Variants in FOXN3 observed in about 807,000 individuals in gnomAD.
The protein encoded by FOXN3 is forkhead box N3, also known as forkhead box protein N3.
In FOXN3, 7 loss-of-function variants were observed where a neutral mutation model predicts 38.4. The ratio of observed to expected loss-of-function variants is 0.18; its 90% confidence interval spans 0.10 to 0.34. FOXN3 has a LOEUF of 0.34. FOXN3 is among the 10% of genes least tolerant of loss of function. The pLI, the probability that FOXN3 is intolerant of heterozygous loss-of-function variation, is 1.00. For missense variants in FOXN3, 456 were observed against 613.4 expected (o/e 0.74, Z 2.71); for synonymous variants, 230 against 242.2 (o/e 0.95, Z 0.47).
chr14:89,435,969 A>G (rs761994960), intron 1 of FOXN3, among the ~76,000 whole-genome samples: 4 of 151,762 alleles, frequency 2.6e-5, no homozygotes, highest in Non-Finnish European at 4.4e-5. Context: ...TCCATTTCCT[A>G]GGGCTCCTCC....
intron 3 of FOXN3, among the ~76,000 whole-genome samples, chr14:89,305,033 T>C (rs1887331477): frequency 6.6e-6 from 1 of 152,040 alleles, no homozygotes; most frequent in Non-Finnish European, 1.5e-5. Flanking sequence ...ACTCACACTA[T>C]ATTTGCTTAT....
In FOXN3 at chr14:89,516,035, G is replaced by A. The variant is rs371497996; in HGVS notation, c.-15+102993C>T. Among the ~76,000 whole-genome samples, 7 of 152,140 alleles carry A rather than the reference G, an allele frequency of 4.6e-5. No individual in the cohort carries two copies. The East Asian group carries it at 9.6e-4, about 21-fold the overall frequency. On this transcript the variant is annotated intron_variant, in intron 1 of 6. Coordinates refer to the FOXN3 transcript ENST00000345097. Reference sequence around the variant, plus strand: ...TAGAGTTTTCAAAATGCCACCAGGTGTGGAGGGAAAAAAGCAATTAAACAT... The same window carrying A: ...TAGAGTTTTCAAAATGCCACCAGGTATGGAGGGAAAAAAGCAATTAAACAT...
At chr14:89,444,269 C>T (rs1483438873) in intron 1 of FOXN3, among the ~76,000 whole-genome samples, 1 of 147,672 alleles carries the variant, frequency 6.8e-6, no homozygotes, top group African/African-American at 2.5e-5. Context: ...CATACTGGAA[C>T]ATTCTTTTGA....
At chr14:89,316,718 T>C (rs2139966830) in intron 3 of FOXN3, among the ~76,000 whole-genome samples, 1 of 147,202 alleles carries the variant, frequency 6.8e-6, no homozygotes, top group African/African-American at 2.5e-5. Context: ...CAGGCTGGAG[T>C]GCAATGGTGC....
intron 5 of FOXN3, among the ~76,000 whole-genome samples, chr14:89,170,822 A>G (rs140872348): frequency 1.4e-4 from 21 of 152,326 alleles, no homozygotes; most frequent in African/African-American, 4.6e-4. Context: ...GAAAATACTT[A>G]TACCTTAACA....
intron 1 of FOXN3, among the ~76,000 whole-genome samples, chr14:89,601,132 C>T (rs777147250): frequency 1.3e-5 from 2 of 152,132 alleles, no homozygotes; most frequent in Non-Finnish European, 2.9e-5. Flanking sequence ...GATAAAATAG[C>T]GTTGATGCCT....
chr14:89,224,964 G>A (rs908969074), intron 4 of FOXN3, among the ~76,000 whole-genome samples: 9 of 150,408 alleles, frequency 6.0e-5, no homozygotes, highest in Admixed American at 1.3e-4. Flanking sequence ...CCCCATCGCT[G>A]CTAAAAATAA....
At position 89,275,021 on chromosome 14, in the gene FOXN3, G is replaced by A. The variant is rs377026058; in HGVS notation, c.745+5929C>T. 6.6e-5 allele frequency among the ~76,000 whole-genome samples: 10 copies of A among 152,276 alleles called. No individual in the cohort carries two copies. The South Asian group carries it at 2.1e-3, about 32-fold the overall frequency. On this transcript the variant is annotated intron_variant, in intron 4 of 5. Transcript: ENST00000557258. ...ATAGCTAACCTTGATTGGGAATTTA[G>A]CATGAACTGTCCTATGTGCTTGACT...
At chr14:89,390,514 A>G (rs1890914958) in intron 2 of FOXN3, among the ~76,000 whole-genome samples, 2 of 145,942 alleles carry the variant, frequency 1.4e-5, no homozygotes, top group Middle Eastern at 7.4e-3. Flanking sequence ...AAAAAAGGAA[A>G]TCTCAACACA....
rs375187423 is a variant in FOXN3, at chr14:89,461,997, T to C, written c.-14-49507A>G. ...TTCCACTCCAGCTAGTAAAATCAGA[T>C]TTGTAAATATCGACTTTTGCATTAA... is the stretch of plus-strand genomic sequence containing the variant. On this transcript the variant is annotated intron_variant, in intron 1 of 6. Coordinates refer to the FOXN3 transcript ENST00000345097. Among the ~76,000 whole-genome samples, 15 of 152,312 alleles carry C rather than the reference T, an allele frequency of 9.8e-5. No homozygotes were observed. The South Asian group carries it at 3.1e-3, about 32-fold the overall frequency.
At chr14:89,362,875 G>T (rs1023234346) in intron 2 of FOXN3, among the ~76,000 whole-genome samples, 1 of 149,932 alleles carries the variant, frequency 6.7e-6, no homozygotes, top group African/African-American at 2.5e-5. Context: ...ACTTCCGTGG[G>T]CCTAACGAAA....
At chr14:89,285,863 A>AAT (rs779812398) in intron 3 of FOXN3, among the ~76,000 whole-genome samples, 83 of 146,026 alleles carry the variant, frequency 5.7e-4, no homozygotes, top group African/African-American at 2.0e-3. Context: ...TTTACCAAAA[A>AAT]TTTTTTTTTT....
chr14:89,517,774 T>C (rs1894235533), intron 1 of FOXN3, among the ~76,000 whole-genome samples: 1 of 152,196 alleles, frequency 6.6e-6, no homozygotes, highest in African/African-American at 2.4e-5. Flanking sequence ...TTGGCTTTCT[T>C]TGAACTGTAT....
chr14:89,305,629 T>A (rs1267399264), intron 3 of FOXN3, among the ~76,000 whole-genome samples: 2 of 152,236 alleles, frequency 1.3e-5, no homozygotes, highest in Non-Finnish European at 2.9e-5. Flanking sequence ...GATTAGCTGT[T>A]GCCAGGCAAC....
chr14:89,210,616 G>A (rs944102218), intron 4 of FOXN3, among the ~76,000 whole-genome samples: 1 of 152,180 alleles, frequency 6.6e-6, no homozygotes, highest in African/African-American at 2.4e-5. Flanking sequence ...GTCATTTGCA[G>A]CATTAATTAA....
At position 89,511,218 on chromosome 14, in the gene FOXN3, T is replaced by TC. The variant is rs1566681105; in HGVS notation, c.-14-98729dup. Among the ~76,000 whole-genome samples, 23 of 17,670 alleles carry TC rather than the reference T, an allele frequency of 1.3e-3. 3 individuals are homozygous for TC. The highest frequency in any genetic ancestry group is 2.4e-3 in the African/African-American group (23 of 9,554). The allele number at this position is 17,670 out of a possible 152,430, so 11.6% of individuals were successfully genotyped here. A position where few individuals can be genotyped will look rare whatever the true frequency, so the allele number is the denominator to read the frequency against. On this transcript the variant is annotated intron_variant, in intron 1 of 6. Transcript: ENST00000345097. ...TCTTTCTTTCTTTTCTTTCTTTCTT[T>TC]CTTTCTTTCTTTTCTTTCCTTTTCT...
chr14:89,217,226 C>T (rs1056435491), intron 4 of FOXN3, among the ~76,000 whole-genome samples: 1 of 152,160 alleles, frequency 6.6e-6, no homozygotes, highest in African/African-American at 2.4e-5. Context: ...CCTGGACCTC[C>T]TGGGCACAAG....
chr14:89,267,550 A>G (rs930660741), intron 4 of FOXN3, among the ~76,000 whole-genome samples: 3 of 152,216 alleles, frequency 2.0e-5, no homozygotes, highest in African/African-American at 7.2e-5. Context: ...TCATTATCCA[A>G]TCTACTTAGG....
chr14:89,370,762 G>T (rs1006563966), intron 2 of FOXN3, among the ~76,000 whole-genome samples: 1 of 152,220 alleles, frequency 6.6e-6, no homozygotes, highest in African/African-American at 2.4e-5. Context: ...ACACAGAGCC[G>T]TAAATTACAC....
Sources: allele counts gnomAD v4.1 joint callset (sites outside exome capture counted in the v4.1 genomes callset), GRCh38; gene constraint gnomAD v4.1.1; transcripts MANE v1.5; gene names NCBI Gene and HGNC (gene_info 2026-07-23, HGNC 2026-07-21).